Variants in DIAPH2 observed in about 807,000 individuals in gnomAD.
DIAPH2 encodes the protein diaphanous related formin 2, also known as protein diaphanous homolog 2.
A neutral mutation model predicts 92.7 loss-of-function variants in DIAPH2; 35 were observed. The ratio of observed to expected loss-of-function variants is 0.38; its 90% CI spans 0.29 to 0.50. The LOEUF (loss-of-function observed/expected upper bound fraction) is 0.50, where lower values mean the gene tolerates loss of function less well. Ranked by LOEUF, DIAPH2 falls within the 20% of genes least tolerant of loss-of-function variation. The pLI is 0.94. For synonymous variants in DIAPH2, 301 were observed against 280.4 expected, an observed-to-expected ratio of 1.07 and a Z score of -0.73; for missense variants, 701 against 819.5, an observed-to-expected ratio of 0.86 and a Z score of 1.77.
At chrX:96,753,680 A>G (rs888347906) in intron 3 of DIAPH2, among the ~76,000 whole-genome samples, 2 of 110,503 alleles carry the variant, frequency 1.8e-5, no homozygotes, top group Non-Finnish European at 3.8e-5. Context: ...TAAATAGAAT[A>G]TAATTTTAGA....
chrX:96,863,241 CTT>C (rs72109103), intron 4 of DIAPH2, among the ~76,000 whole-genome samples: 32 of 86,071 alleles, frequency 3.7e-4, no homozygotes, highest in Middle Eastern at 6.0e-3. Flanking sequence ...CTCATTATTC[CTT>C]TTTTTTTTTT....
At chrX:96,694,947 CTT>C (rs781695336) in intron 1 of DIAPH2, among the ~76,000 whole-genome samples, 9 of 90,162 alleles carry the variant, frequency 1.0e-4, no homozygotes, top group African/African-American at 1.2e-4. Context: ...AGCTAATGGT[CTT>C]TTTTTTTTTT....
At position 97,185,401 on chromosome X, in the gene DIAPH2, A is replaced by ATATGTG. The variant is rs1569323141; in HGVS notation, c.2719+43610_2719+43611insGTGTAT. Among the ~76,000 whole-genome samples the ATATGTG allele has an allele frequency of 1.4e-4, 9 of 62,442 alleles. 1 individual carries two copies. In the South Asian group the frequency reaches 3.0e-3, roughly 21 times the overall value. The allele number at this position is 62,442 out of a possible 115,157, so 54.2% of individuals were successfully genotyped here. On this transcript the variant is annotated intron_variant, in intron 22 of 26. Coordinates refer to ENST00000324765, the MANE Select transcript of DIAPH2 (RefSeq NM_006729.5). Reference sequence around the variant, plus strand: ...TATATGTATATATATATGTGTATATATATATATATGTATATATATATGTAT... The same window carrying ATATGTG: ...TATATGTATATATATATGTGTATATATATGTGTATATATATGTATATATATATGTAT...
intron 19 of DIAPH2, among the ~76,000 whole-genome samples, chrX:97,099,337 G>T (rs373254859): frequency 3.6e-5 from 4 of 109,775 alleles, no homozygotes; most frequent in African/African-American, 1.3e-4. Flanking sequence ...CTGCACTCCA[G>T]CCAGGGCGAC....
intron 3 of DIAPH2, among the ~76,000 whole-genome samples, chrX:96,749,145 A>AATATATATAT (rs56745873): frequency 1.9e-4 from 15 of 79,802 alleles, no homozygotes; most frequent in African/African-American, 7.7e-4. Context: ...AAAAAAAAAA[A>AATATATATAT]ATATATATAT....
intron 4 of DIAPH2, among the ~76,000 whole-genome samples, chrX:96,841,736 C>T (rs1342936932): frequency 8.9e-6 from 1 of 112,098 alleles, no homozygotes. Flanking sequence ...TTTCCCAATG[C>T]ACTGTAAACT....
chrX:97,309,759 C>T (rs2068778381), intron 23 of DIAPH2, among the ~76,000 whole-genome samples: 1 of 111,962 alleles, frequency 8.9e-6, no homozygotes, highest in Non-Finnish European at 1.9e-5. Context: ...ATAAGTTATA[C>T]AAAATAGTAG....
intron 4 of DIAPH2, among the ~76,000 whole-genome samples, chrX:96,785,779 G>A (rs774830699): frequency 9.1e-5 from 10 of 110,194 alleles, no homozygotes; most frequent in Admixed American, 3.9e-4. Context: ...TCCCGGCCCC[G>A]AATTTGCCCT....
intron 10 of DIAPH2, among the ~76,000 whole-genome samples, chrX:96,935,215 A>G (rs1451578977): frequency 2.7e-5 from 3 of 111,869 alleles, no homozygotes; most frequent in Non-Finnish European, 5.7e-5. Flanking sequence ...ATTTACTTTT[A>G]TAGGATACCC....
chrX:96,968,271 T>C (rs1330118206), intron 17 of DIAPH2, among the ~76,000 whole-genome samples: 3 of 110,992 alleles, frequency 2.7e-5, no homozygotes, highest in Non-Finnish European at 5.7e-5. Context: ...CAGGCTGGAA[T>C]GCGATGGTGC....
intron 5 of DIAPH2, among the ~76,000 whole-genome samples, chrX:96,886,288 A>G (rs756436367): frequency 2.9e-4 from 32 of 110,067 alleles, no homozygotes; most frequent in Admixed American, 2.6e-3. Flanking sequence ...TAAAAAACAT[A>G]TACTTTTTAA....
At chrX:97,510,438 A>T (rs1423988851) in intron 26 of DIAPH2, among the ~76,000 whole-genome samples, 46 of 110,304 alleles carry the variant, frequency 4.2e-4, no homozygotes, top group African/African-American at 1.4e-3. Flanking sequence ...GATTGCGAAA[A>T]TTTTCTCCCA....
intron 4 of DIAPH2, among the ~76,000 whole-genome samples, chrX:96,798,882 A>T (rs1028081472): frequency 8.1e-5 from 9 of 110,905 alleles, no homozygotes; most frequent in Admixed American, 3.8e-4. Context: ...CTCCCCTCTG[A>T]CTGATCAGAA....
At position 97,141,837 on chromosome X, in the gene DIAPH2, T is replaced by A; in HGVS notation, c.2719+43T>A. 4.4e-6 allele frequency: 5 copies of A among 1,125,090 alleles called. No homozygotes were observed. The South Asian group carries it at 8.3e-5, about 19-fold the overall frequency. The allele number at this position is 1,125,090 out of a possible 1,213,427, so 92.7% of individuals were successfully genotyped here. A position where few individuals can be genotyped will look rare whatever the true frequency, so the allele number is the denominator to read the frequency against. ...ACTTTGAGATTATCTCTTGCCTATA[T>A]GGTTTAAATGGAACAATTAAAGAAT... On this transcript the variant is annotated intron_variant, in intron 22 of 26. Coordinates refer to ENST00000324765, the MANE Select transcript of DIAPH2 (RefSeq NM_006729.5).
intron 1 of DIAPH2, among the ~76,000 whole-genome samples, chrX:96,719,083 A>C (rs990791897): frequency 9.2e-6 from 1 of 108,588 alleles, no homozygotes; most frequent in African/African-American, 3.4e-5. Context: ...TCTTCTTTTG[A>C]GAAAAGTCTA....
intron 17 of DIAPH2, among the ~76,000 whole-genome samples, chrX:96,976,572 T>C (rs1318600490): frequency 9.0e-6 from 1 of 111,338 alleles, no homozygotes; most frequent in Non-Finnish European, 1.9e-5. Flanking sequence ...AATTTCCAGT[T>C]GTCATTTTCT....
Position 96,912,489 on chromosome X carries a change from A to C in DIAPH2, c.669A>C (p.Glu223Asp). 8.3e-7 allele frequency: 1 copy of C among 1,203,207 alleles called. No individual in the cohort carries two copies. The highest frequency in any genetic ancestry group is 1.1e-6 in the Non-Finnish European group (1 of 891,419). ...ACATTTTTCTTTTATTTAGGCAAGAAAATATTGACAAGAAGAATCAGTATA... is the reference window on the plus strand; with the variant it reads ...ACATTTTTCTTTTATTTAGGCAAGACAATATTGACAAGAAGAATCAGTATA... The part of the protein sequence containing the change: ...LEKLLDKKQQ[E>D]NIDKKNQYKL... Residue 223 changes from glutamate (E) to aspartate (D), a missense_variant, in exon 7 of 27, where the codon GAA (glutamate) becomes GAC (aspartate). Around this residue, in one of 3 missense-constraint regions of DIAPH2, gnomAD observed 34 missense variants for 74.7 expected, o/e 0.46. Coordinates refer to ENST00000324765, the MANE Select transcript of DIAPH2 (RefSeq NM_006729.5).
At chrX:97,062,465 G>A (rs2066605603) in intron 17 of DIAPH2, among the ~76,000 whole-genome samples, 1 of 111,165 alleles carries the variant, frequency 9.0e-6, no homozygotes, top group Non-Finnish European at 1.9e-5. Flanking sequence ...AATTCAGTAG[G>A]TATGAGTGTG....
At chrX:97,393,875 A>G (rs1402648280) in intron 25 of DIAPH2, among the ~76,000 whole-genome samples, 1 of 111,981 alleles carries the variant, frequency 8.9e-6, no homozygotes, top group East Asian at 2.8e-4. Flanking sequence ...GTATAAGATT[A>G]TATGGAAATC....
Sources: gnomAD v4.1 joint callset for allele counts (sites outside exome capture counted in the v4.1 genomes callset) on GRCh38, gnomAD v4.1.1 for gene constraint, gnomAD v4.1.1 regional missense constraint, MANE v1.5 for transcripts, NCBI Gene and HGNC (gene_info 2026-07-23, HGNC 2026-07-21) for gene names.